AKAP6: variants seen among roughly 807,000 people sequenced by gnomAD.
The protein encoded by AKAP6 is A-kinase anchor protein 6.
Under a neutral mutation model 188.5 loss-of-function variants are expected in AKAP6, and 58 were observed. The ratio of observed to expected loss-of-function variants is 0.31; its 90% CI spans 0.25 to 0.38. The LOEUF (loss-of-function observed/expected upper bound fraction) is 0.38, where lower values mean the gene tolerates loss of function less well. Among genes scored for constraint, AKAP6 ranks in the 10% least tolerant of loss-of-function variants. AKAP6 has a pLI of 1.00. For missense variants in AKAP6, 2,710 were observed against 2,740.0 expected, an observed-to-expected ratio of 0.99 and a Z score of 0.24; for synonymous variants, 989 against 998.6, an observed-to-expected ratio of 0.99 and a Z score of 0.18.
Position 32,678,441 on chromosome 14 carries a change from A to G in AKAP6, c.2861A>G (p.His954Arg). ...KEEFADMSKV[H>R]SVGSNGLLDF... ...GAGTTTGCTGATATGTCAAAAGTTCATTCAGTGGGAAGCAATGGGTAGGGA... is the reference window on the plus strand; with the variant it reads ...GAGTTTGCTGATATGTCAAAAGTTCGTTCAGTGGGAAGCAATGGGTAGGGA... The change falls in exon 8 of 14, where the codon CAT becomes CGT. Residue 954 changes from histidine (H) to arginine (R), a missense_variant. His to Arg is a conservative substitution (Grantham distance 29). Around this residue, in one of 2 missense-constraint regions of AKAP6, gnomAD observed 2,473 missense variants for 2,426.1 expected, o/e 1.02. Coordinates refer to ENST00000280979, the MANE Select transcript of AKAP6 (RefSeq NM_004274.5). The G allele has an allele frequency of 1.9e-6, 3 of 1,613,954 alleles. No homozygotes were observed. Among genetic ancestry groups the G allele is most frequent in the African/African-American group, 1.3e-5 (1 of 75,054 alleles).
intron 7 of AKAP6, among the ~76,000 whole-genome samples, chr14:32,657,861 G>A (rs1888518839): frequency 1.3e-5 from 2 of 152,014 alleles, no homozygotes; most frequent in African/African-American, 4.8e-5. Flanking sequence ...TACAGCATAT[G>A]AGCAGGATTT....
At chr14:32,545,171 G>T in intron 3 of AKAP6, 59 bp from the exon 4 acceptor site, 1 of 1,489,988 alleles carries the variant, frequency 6.7e-7, no homozygotes, top group Non-Finnish European at 9.2e-7. Flanking sequence ...CATTTACATA[G>T]CAGCTGATGT....
intron 1 of AKAP6, among the ~76,000 whole-genome samples, chr14:32,396,699 A>C (rs1888891204): frequency 1.3e-5 from 2 of 152,044 alleles, no homozygotes; most frequent in Admixed American, 6.6e-5. Context: ...CAGATGTGAG[A>C]CTGAGCTGCC....
intron 1 of AKAP6, among the ~76,000 whole-genome samples, chr14:32,334,175 C>T (rs74043724): frequency 0.052 from 7,879 of 152,190 alleles, 706 homozygotes; most frequent in African/African-American, 0.18. Flanking sequence ...TAGCCCCTTC[C>T]GCGCCCTTAT....
At chr14:32,606,017 A>G (rs186608575) in intron 7 of AKAP6, among the ~76,000 whole-genome samples, 4 of 152,312 alleles carry the variant, frequency 2.6e-5, no homozygotes, top group Non-Finnish European at 5.9e-5. Context: ...AGACTCTGGG[A>G]AACTTCTCCC....
intron 7 of AKAP6, among the ~76,000 whole-genome samples, chr14:32,674,194 G>A (rs1170469027): frequency 6.6e-6 from 1 of 152,150 alleles, no homozygotes; most frequent in South Asian, 2.1e-4. Flanking sequence ...GATGACAGGG[G>A]CATGGTGATC....
At chr14:32,682,995 C>CTTTTTTTTTTTTTTTTTTTTT (rs71115090) in intron 8 of AKAP6, among the ~76,000 whole-genome samples, 6 of 142,254 alleles carry the variant, frequency 4.2e-5, no homozygotes, top group Admixed American at 7.1e-5. Context: ...TTTTTTCTTC[C>CTTTTTTTTTTTTTTTTTTTTT]TTTTTTTTTT....
intron 1 of AKAP6, among the ~76,000 whole-genome samples, chr14:32,409,288 C>G (rs1306714300): frequency 6.6e-6 from 1 of 152,154 alleles, no homozygotes; most frequent in East Asian, 1.9e-4. Flanking sequence ...ACCTAGATGA[C>G]TAGGATGTTT....
chr14:32,745,656 G>A (rs965226173), intron 11 of AKAP6, among the ~76,000 whole-genome samples: 58 of 152,098 alleles, frequency 3.8e-4, no homozygotes, highest in African/African-American at 1.3e-3. Flanking sequence ...AAGGCCTGCT[G>A]CAAACACTCC....
intron 9 of AKAP6, among the ~76,000 whole-genome samples, chr14:32,700,665 G>C (rs1448499009): frequency 6.6e-6 from 1 of 152,102 alleles, no homozygotes; most frequent in Non-Finnish European, 1.5e-5. Flanking sequence ...GTAACATGCT[G>C]TACAGGTTTG....
intron 12 of AKAP6, among the ~76,000 whole-genome samples, chr14:32,789,224 C>G (rs1413130161): frequency 6.6e-6 from 1 of 152,064 alleles, no homozygotes; most frequent in African/African-American, 2.4e-5. Flanking sequence ...TCTGATCTCT[C>G]CCTGGGACAG....
At chr14:32,388,293 C>T (rs765112930) in intron 1 of AKAP6, among the ~76,000 whole-genome samples, 1 of 152,028 alleles carries the variant, frequency 6.6e-6, no homozygotes, top group South Asian at 2.1e-4. Flanking sequence ...TTTCAAAGAA[C>T]CAGCTTTTCA....
chr14:32,611,997 A>G (rs535933157), intron 7 of AKAP6, among the ~76,000 whole-genome samples: 66 of 152,300 alleles, frequency 4.3e-4, no homozygotes, highest in Non-Finnish European at 7.8e-4. Flanking sequence ...CCATGAGATT[A>G]GTCAGTGGAG....
At chr14:32,616,011 A>G (rs1886562739) in intron 7 of AKAP6, among the ~76,000 whole-genome samples, 1 of 152,336 alleles carries the variant, frequency 6.6e-6, no homozygotes, top group East Asian at 1.9e-4. Context: ...TTACCAAATA[A>G]GTCCCTGAGC....
chr14:32,411,740 G>T (rs1017940656), intron 1 of AKAP6, among the ~76,000 whole-genome samples: 3 of 149,232 alleles, frequency 2.0e-5, no homozygotes, highest in Admixed American at 6.7e-5. Flanking sequence ...ATTATTTCTT[G>T]CCCATTTATT....
intron 5 of AKAP6, among the ~76,000 whole-genome samples, chr14:32,596,835 G>A (rs1225409047): frequency 6.6e-6 from 1 of 152,180 alleles, no homozygotes; most frequent in Non-Finnish European, 1.5e-5. Context: ...TTGGGAAAAG[G>A]TGGGGACAAA....
intron 4 of AKAP6, among the ~76,000 whole-genome samples, chr14:32,567,123 A>G (rs1884229176): frequency 6.6e-6 from 1 of 151,940 alleles, no homozygotes; most frequent in Non-Finnish European, 1.5e-5. Flanking sequence ...GTCTCACCAT[A>G]TTGCCCAGGC....
intron 4 of AKAP6, among the ~76,000 whole-genome samples, chr14:32,570,752 G>T (rs1341781197): frequency 6.6e-6 from 1 of 152,182 alleles, no homozygotes; most frequent in African/African-American, 2.4e-5. Flanking sequence ...TTGTCTGGCT[G>T]TAGCAACTGT....
At chr14:32,686,937 A>G (rs979740468) in intron 8 of AKAP6, among the ~76,000 whole-genome samples, 2 of 152,158 alleles carry the variant, frequency 1.3e-5, no homozygotes, top group Non-Finnish European at 2.9e-5. Flanking sequence ...TATGCCTTGT[A>G]TCTGAGAACA....
Sources: allele counts gnomAD v4.1 joint callset (sites outside exome capture counted in the v4.1 genomes callset), GRCh38; gene constraint gnomAD v4.1.1; regional missense constraint gnomAD v4.1.1; transcripts MANE v1.5; gene names NCBI Gene and HGNC (gene_info 2026-07-23, HGNC 2026-07-21).